Variants in SYNE1 observed in about 807,000 individuals in gnomAD.
The protein encoded by SYNE1 is nesprin-1.
SYNE1 carries 616 observed loss-of-function variants against 1,111.0 expected under a neutral mutation model. That is an observed-to-expected ratio of 0.55 (90% CI 0.52 to 0.59). The LOEUF (loss-of-function observed/expected upper bound fraction) is 0.59. Among genes scored for constraint, SYNE1 ranks in the 20% least tolerant of loss-of-function variants. The probability of loss-of-function intolerance (pLI) is 0.00; values close to 1 mark genes in which losing one functional copy is unlikely to be tolerated. For synonymous variants in SYNE1, 3,855 were observed against 3,825.8 expected (o/e 1.01, Z -0.28); for missense variants, 10,006 against 10,417.0 (o/e 0.96, Z 1.72).
intron 87 of SYNE1, among the ~76,000 whole-genome samples, chr6:152,314,711 G>A (rs9383986): frequency 0.11 from 16,678 of 151,912 alleles, 1,433 homozygotes; most frequent in East Asian, 0.49. Context: ...AGAATTTGGG[G>A]ATGCCAAGGC....
Position 152,214,988 on chromosome 6 carries a change from A to G in SYNE1, c.22264T>C (p.Leu7422=). 6.2e-7 allele frequency: 1 copy of G among 1,614,126 alleles called. No individual in the cohort carries two copies. Among genetic ancestry groups the G allele is most frequent in the Non-Finnish European group, 8.5e-7 (1 of 1,179,990 alleles). Residue 7422 remains leucine, a synonymous_variant, in exon 122 of 146, where the codon TTG becomes CTG. Transcript: ENST00000367255. ...ATTCTTTTGATTTCCTTATCATTCA[A>G]GGGTAACCTATATCCAAGCTCATTT... ...RLNELGYRLP[L]NDKEIKRMQN...
intron 133 of SYNE1, 29 bp from the exon 134 acceptor site, chr6:152,152,170 G>A (rs1224937527): frequency 6.2e-7 from 1 of 1,608,792 alleles, no homozygotes; most frequent in Non-Finnish European, 8.5e-7. Flanking sequence ...ATATCAGTGT[G>A]AGAAATCAGC....
At chr6:152,587,963 C>G (rs569224690) in intron 3 of SYNE1, among the ~76,000 whole-genome samples, 1 of 152,318 alleles carries the variant, frequency 6.6e-6, no homozygotes, top group East Asian at 1.9e-4. Context: ...AATCAAAGAA[C>G]CAACTCTTAC....
chr6:152,518,232 A>G (rs1392549663), intron 6 of SYNE1, among the ~76,000 whole-genome samples: 1 of 150,206 alleles, frequency 6.7e-6, no homozygotes, highest in African/African-American at 2.5e-5. Flanking sequence ...TGTGTATACT[A>G]GGTGATATAG....
intron 137 of SYNE1, chr6:152,146,788 C>A (rs2059586025): frequency 6.6e-6 from 1 of 152,238 alleles, no homozygotes. Context: ...TTTCTCTGTC[C>A]ATCCCTTCAC....
rs781000622 is a variant in SYNE1, at chr6:152,409,539, A to G, written c.6381+20T>C. 3 of 1,612,574 alleles carry G rather than the reference A, an allele frequency of 1.9e-6. No homozygotes were observed. The highest frequency in any genetic ancestry group is 2.5e-6 in the Non-Finnish European group (3 of 1,179,826). ...ATCTACTAAAGCAGAATACCAACAT[A>G]AACACATTTTGAATTTTACCTTGGA... On this transcript the variant is annotated intron_variant, in intron 43 of 145. Coordinates refer to ENST00000367255, the MANE Select transcript of SYNE1 (RefSeq NM_182961.4).
rs759568091 is a variant in SYNE1, at chr6:152,143,752, G to C, written c.24990C>G (p.Ala8330=). 4 of 1,614,088 alleles carry C rather than the reference G, an allele frequency of 2.5e-6. No homozygotes were observed. The East Asian group carries it at 8.9e-5, about 36-fold the overall frequency. Residue 8330 remains alanine (A), a synonymous_variant, in exon 138 of 146, where the codon GCC becomes GCG. Transcript: ENST00000367255. ...CCAGTTGTCGGATCTGTGACTCTAG[G>C]GCACTGTGGTCCCCTGCGGTGGCAA... is the stretch of plus-strand genomic sequence containing the variant. ...GAVGLSGDHS[A]LESQIRQLGK... is the part of the protein sequence containing the mutation.
At chr6:152,575,551 GA>G (rs1313910516) in intron 3 of SYNE1, among the ~76,000 whole-genome samples, 2 of 152,192 alleles carry the variant, frequency 1.3e-5, no homozygotes, top group African/African-American at 4.8e-5. Context: ...ACATGAAAAA[GA>G]GAAGTTATAT....
At chr6:152,505,450 C>T (rs1440724951) in intron 8 of SYNE1, 53 bp from the exon 9 acceptor site, 1 of 1,592,696 alleles carries the variant, frequency 6.3e-7, no homozygotes, top group Non-Finnish European at 8.6e-7. Flanking sequence ...GATACAAGCA[C>T]TTTCTTCAAG....
At chr6:152,605,028 G>A (rs1565141228) in intron 3 of SYNE1, among the ~76,000 whole-genome samples, 6 of 67,898 alleles carry the variant, frequency 8.8e-5, no homozygotes, top group African/African-American at 4.2e-4. Flanking sequence ...GAGAGAGAGA[G>A]AGAGAGAGGG....
chr6:152,440,731 C>T (rs1229235575), intron 32 of SYNE1, among the ~76,000 whole-genome samples: 6 of 151,896 alleles, frequency 4.0e-5, no homozygotes, highest in Non-Finnish European at 7.4e-5. Context: ...CCATGGCCAG[C>T]TGATTTTTGT....
At chr6:152,499,622 G>T (rs1041287381) in intron 10 of SYNE1, among the ~76,000 whole-genome samples, 1 of 152,122 alleles carries the variant, frequency 6.6e-6, no homozygotes, top group Non-Finnish European at 1.5e-5. Context: ...AATATTAAAG[G>T]TTCACTAGAC....
Position 152,221,549 on chromosome 6 carries a change from T to A in SYNE1, c.21533A>T (p.Asp7178Val), listed in dbSNP as rs1390324973. Residue 7178 changes from aspartate (D) to valine (V), a missense_variant, in exon 118 of 146, where the codon GAT becomes GTT. Asp to Val is a radical substitution (Grantham distance 152). This residue lies in a region of SYNE1 where 2,182 missense variants were observed against 2,287.8 expected (regional missense o/e 0.95). Coordinates refer to ENST00000367255, the MANE Select transcript of SYNE1 (RefSeq NM_182961.4). ...VQVDNLQNLQ[D>V]DLEKQERSLQ... ...GCTCCTTTCCTGTTTTTCCAGATCATCTTGGAGATTCTGCCCCAAAAAAAA... is the reference window on the plus strand; with the variant it reads ...GCTCCTTTCCTGTTTTTCCAGATCAACTTGGAGATTCTGCCCCAAAAAAAA... 1 of 1,613,816 alleles carries A rather than the reference T, an allele frequency of 6.2e-7. No individual in the cohort carries two copies. Among genetic ancestry groups the A allele is most frequent in the East Asian group, 2.2e-5 (1 of 44,818 alleles).
chr6:152,310,852 C>T lies in SYNE1; in HGVS notation c.16732G>A (p.Glu5578Lys), dbSNP rs751527045. The T allele has an allele frequency of 1.2e-6, 2 of 1,613,920 alleles. No homozygotes were observed. Among genetic ancestry groups the T allele is most frequent in the Admixed American group, 1.7e-5 (1 of 60,016 alleles). ...ATTGCTTCCAGCTCACTGTCAATTT[C>T]TTTGGATTCTTCTAGCAGGGTCTAG... ...LHQTLLEESK[E>K]IDSELEAMTE... The change falls in exon 88 of 146, where the codon GAA (glutamate) becomes AAA (lysine). Residue 5578 changes from glutamate to lysine, a missense_variant. By Grantham distance (56) the Glu-to-Lys change is moderately conservative. This residue lies in a region of SYNE1 where 4,955 missense variants were observed against 5,017.2 expected (regional missense o/e 0.99). Transcript: ENST00000367255.
intron 78 of SYNE1, among the ~76,000 whole-genome samples, chr6:152,328,380 T>TTTTA (rs56379838): frequency 0.17 from 23,841 of 137,368 alleles, 2,307 homozygotes; most frequent in Non-Finnish European, 0.21. Context: ...TCTTATTTTA[T>TTTTA]TTTATTTATT....
In SYNE1 at chr6:152,281,912, G is replaced by A. The variant is rs2153724828; in HGVS notation, c.18276C>T (p.Ala6092=). ...EQALQRYRCE[A]DELDSWLLST... is the part of the protein sequence containing the mutation. The stretch of plus-strand genomic sequence containing the variant: ...TCAAGAGCCAGCTGTCCAGCTCATC[G>A]GCTTCACAGCGATACCTCTGCAGGG... Residue 6092 remains alanine, a synonymous_variant, in exon 97 of 146, where the codon GCC becomes GCT. Coordinates refer to ENST00000367255, the MANE Select transcript of SYNE1 (RefSeq NM_182961.4). The A allele has an allele frequency of 5.0e-6, 8 of 1,614,096 alleles. No individual in the cohort carries two copies. The highest frequency in any genetic ancestry group is 6.8e-6 in the Non-Finnish European group (8 of 1,180,018).
chr6:152,256,534 CA>C lies in SYNE1; in HGVS notation c.19104+99del. ...TATCACTAGTGTTGGGTCTCATGCT[CA>C]GGGGTGGATGCAACAGTCTCACAGA... On this transcript the variant is annotated intron_variant, in intron 102 of 145. Coordinates refer to ENST00000367255, the MANE Select transcript of SYNE1 (RefSeq NM_182961.4). The C allele has an allele frequency of 3.9e-6, 6 of 1,521,036 alleles. No homozygotes were observed. The East Asian group carries it at 9.6e-5, about 24-fold the overall frequency. 94.2% of individuals were successfully genotyped at this position (1,521,036 alleles called of 1,614,324 possible). A position where few individuals can be genotyped will look rare whatever the true frequency, so the allele number is the denominator to read the frequency against.
chr6:152,220,019 C>A (rs2079758960), intron 119 of SYNE1, among the ~76,000 whole-genome samples: 3 of 152,182 alleles, frequency 2.0e-5, no homozygotes. Context: ...AGGTGTATTT[C>A]AATTCAGGAG....
chr6:152,567,701 A>T (rs1055740516), intron 3 of SYNE1, among the ~76,000 whole-genome samples: 7 of 152,226 alleles, frequency 4.6e-5, no homozygotes, highest in African/African-American at 1.7e-4. Context: ...AAGAAAAAAA[A>T]GTAATCTTTA....
Sources: gnomAD v4.1 joint callset for allele counts (sites outside exome capture counted in the v4.1 genomes callset) on GRCh38, gnomAD v4.1.1 for gene constraint, gnomAD v4.1.1 regional missense constraint, MANE v1.5 for transcripts, NCBI Gene and HGNC (gene_info 2026-07-23, HGNC 2026-07-21) for gene names.